Variants in CAPN11 observed in about 807,000 individuals in gnomAD.
CAPN11 encodes the protein calpain-11.
A neutral mutation model predicts 105.3 loss-of-function variants in CAPN11; 108 were observed. The ratio of observed to expected loss-of-function variants is 1.03; its 90% CI spans 0.88 to 1.20. The LOEUF (loss-of-function observed/expected upper bound fraction) is 1.20, where lower values mean the gene tolerates loss of function less well. CAPN11 is among the 50% of genes most tolerant of loss of function. The probability of loss-of-function intolerance (pLI) is 0.00; values close to 1 mark genes in which losing one functional copy is unlikely to be tolerated. For missense variants in CAPN11, 883 were observed against 924.8 expected, an observed-to-expected ratio of 0.95 and a Z score of 0.59; for synonymous variants, 329 against 344.5, an observed-to-expected ratio of 0.96 and a Z score of 0.50.
intron 7 of CAPN11, among the ~76,000 whole-genome samples, chr6:44,174,341 A>G (rs1241741889): frequency 3.3e-5 from 5 of 152,144 alleles, no homozygotes; most frequent in African/African-American, 1.2e-4. Flanking sequence ...ATTGATACTC[A>G]GAGAAACTAG....
At chr6:44,168,984 A>G (rs1226613055) in intron 2 of CAPN11, 1 of 478,246 alleles carries the variant, frequency 2.1e-6, no homozygotes, top group South Asian at 1.5e-5. Flanking sequence ...GTGCCATCAC[A>G]TCTCATTGCA....
chr6:44,166,661 C>T (rs1476021238), intron 1 of CAPN11, 97 bp from the exon 2 acceptor site: 2 of 912,878 alleles, frequency 2.2e-6, no homozygotes, highest in African/African-American at 3.3e-5. Context: ...AGTTCTTTTC[C>T]TCATTCTAAA....
intron 13 of CAPN11, 88 bp from the exon 14 acceptor site, chr6:44,179,864 C>G (rs1772831180): frequency 9.0e-7 from 1 of 1,116,290 alleles, no homozygotes; most frequent in Non-Finnish European, 1.4e-6. Context: ...CTACCTCCAA[C>G]CCTGCCCGGC....
Position 44,183,731 on chromosome 6 carries a change from A to C in CAPN11, c.2161A>C (p.Asn721His). The change falls in exon 22 of 23, where the codon AAT becomes CAT. Residue 721 changes from asparagine (N) to histidine (H), a missense_variant. Coordinates refer to ENST00000398776, the MANE Select transcript of CAPN11 (RefSeq NM_007058.4). ...FTFFLTMDPK[N>H]TGHICLSLEQ... ...ATTCTTTCTAACCATGGACCCCAAG[A>C]ATACTGGCCATATTTGCTTGAGCCT... is the stretch of plus-strand genomic sequence containing the variant. 1 of 1,613,866 alleles carries C rather than the reference A, an allele frequency of 6.2e-7. No homozygotes were observed. Among genetic ancestry groups the C allele is most frequent in the Non-Finnish European group, 8.5e-7 (1 of 1,179,852 alleles).
chr6:44,168,791 T>C (rs1484268220), intron 2 of CAPN11, among the ~76,000 whole-genome samples: 2 of 151,886 alleles, frequency 1.3e-5, no homozygotes, highest in East Asian at 1.9e-4. Flanking sequence ...GGCTAATTTT[T>C]TGTATTTTTC....
chr6:44,168,083 A>G (rs992011937), intron 2 of CAPN11, among the ~76,000 whole-genome samples: 19 of 152,128 alleles, frequency 1.2e-4, no homozygotes, highest in African/African-American at 4.3e-4. Flanking sequence ...TAGTATATTC[A>G]CAGTTATGCA....
At position 44,172,398 on chromosome 6, in the gene CAPN11, A is replaced by T. The variant is rs1049491864; in HGVS notation, c.506A>T (p.Tyr169Phe). ...AGAGGACAGAGCTTCAAGAAAAACT[A>T]TGCTGGCATCTTCCATTTTCAGGTG... is the stretch of plus-strand genomic sequence containing the variant. ...VPRGQSFKKN[Y>F]AGIFHFQIWQ... Residue 169 changes from tyrosine (Y) to phenylalanine (F), a missense_variant, in exon 5 of 23, where the codon TAT becomes TTT. By Grantham distance (22) the Tyr-to-Phe change is conservative. Coordinates refer to ENST00000398776, the MANE Select transcript of CAPN11 (RefSeq NM_007058.4). 1.9e-6 allele frequency: 3 copies of T among 1,556,686 alleles called. No homozygotes were observed. Among genetic ancestry groups the T allele is most frequent in the Middle Eastern group, 1.7e-4 (1 of 5,996 alleles).
At position 44,182,985 on chromosome 6, in the gene CAPN11, C is replaced by T. The variant is rs1774043977; in HGVS notation, c.1983C>T (p.Asn661=). Residue 661 remains asparagine (N), a synonymous_variant, in exon 20 of 23, where the codon AAC becomes AAT. Coordinates refer to ENST00000398776, the MANE Select transcript of CAPN11 (RefSeq NM_007058.4). The part of the protein sequence containing the change: ...ECDQDHSGTL[N]SYEMRLVIEK... ...ACCAGGACCATTCAGGCACCTTGAA[C>T]TCCTATGAGATGCGCCTGGTTATTG... The T allele has an allele frequency of 2.5e-6, 4 of 1,612,048 alleles. No individual in the cohort carries two copies. Among genetic ancestry groups the T allele is most frequent in the Non-Finnish European group, 3.4e-6 (4 of 1,178,992 alleles).
At chr6:44,183,612 C>T in intron 21 of CAPN11, 93 bp from the exon 22 acceptor site, 3 of 1,156,736 alleles carry the variant, frequency 2.6e-6, no homozygotes, top group Non-Finnish European at 3.8e-6. Flanking sequence ...CCAGGAACAC[C>T]TGGTGTCGCC....
chr6:44,180,724 G>T, intron 16 of CAPN11, 24 bp from the exon 17 acceptor site: 1 of 1,613,534 alleles, frequency 6.2e-7, no homozygotes, highest in East Asian at 2.2e-5. Context: ...GGGCCCGAGT[G>T]GGGTTCACAG....
In CAPN11 at chr6:44,166,771, G is replaced by A. The variant is rs930746410; in HGVS notation, c.30G>A (p.Pro10=). The change falls in exon 2 of 23, where the codon CCG becomes CCA. Residue 10 remains proline, a synonymous_variant. Transcript: ENST00000398776. The stretch of plus-strand genomic sequence containing the variant: ...TTCTTATTCTAGGGCCGAGTCTTCC[G>A]GAGTCAGCAGAGAGCCTGGATGGAT... MLYSPGPSL[P]ESAESLDGSQ... is the part of the protein sequence containing the mutation. 3.9e-5 allele frequency: 60 copies of A among 1,551,846 alleles called. No individual in the cohort carries two copies. The highest frequency in any genetic ancestry group is 5.0e-5 in the Non-Finnish European group (57 of 1,146,896).
At position 44,166,822 on chromosome 6, in the gene CAPN11, A is replaced by C. The variant is rs1769944894; in HGVS notation, c.81A>C (p.Ser27=). The C allele has an allele frequency of 1.3e-6, 2 of 1,550,272 alleles. No homozygotes were observed. Among genetic ancestry groups the C allele is most frequent in the Non-Finnish European group, 1.7e-6 (2 of 1,145,728 alleles). The change falls in exon 2 of 23, where the codon TCA becomes TCC. Residue 27 remains serine, a synonymous_variant. Coordinates refer to ENST00000398776, the MANE Select transcript of CAPN11 (RefSeq NM_007058.4). ...DGSQEDKPRG[S]CAEPTFTDTG... ...CACAGGAGGATAAGCCTCGGGGCTCATGTGCGGGTAGGACTGCAGACCCGT... is the reference window on the plus strand; with the variant it reads ...CACAGGAGGATAAGCCTCGGGGCTCCTGTGCGGGTAGGACTGCAGACCCGT...
chr6:44,181,147 AC>A (rs1377101818), intron 18 of CAPN11, 104 bp from the exon 19 acceptor site: 11 of 1,222,398 alleles, frequency 9.0e-6, no homozygotes, highest in Non-Finnish European at 1.3e-5. Context: ...CTGCTACAGT[AC>A]CGGAACCCCA....
At chr6:44,177,875 T>A (rs1472401333) in intron 12 of CAPN11, among the ~76,000 whole-genome samples, 3 of 151,768 alleles carry the variant, frequency 2.0e-5, no homozygotes, top group African/African-American at 7.3e-5. Context: ...ATTTTTTTTT[T>A]AAGACAGGAG....
At chr6:44,181,482 CA>C (rs879564367) in intron 19 of CAPN11, among the ~76,000 whole-genome samples, 162 bp downstream of exon 19, 9,889 of 94,826 alleles carry the variant, frequency 0.1, 2,910 homozygotes, top group Middle Eastern at 0.16. Context: ...CATACAGACA[CA>C]ACCACACCAC....
chr6:44,182,269 T>G (rs202202645), intron 19 of CAPN11, among the ~76,000 whole-genome samples: 1 of 19,784 alleles, frequency 5.1e-5, no homozygotes, highest in Admixed American at 5.8e-4. Flanking sequence ...CACACACACA[T>G]ACAGACACAA....
chr6:44,161,302 C>G (rs902424253), intron 1 of CAPN11, among the ~76,000 whole-genome samples: 1 of 151,976 alleles, frequency 6.6e-6, no homozygotes. Flanking sequence ...CGGGTTCAAG[C>G]GATTCTCCTG....
At chr6:44,165,232 G>A (rs1325251448) in intron 1 of CAPN11, among the ~76,000 whole-genome samples, 1 of 152,214 alleles carries the variant, frequency 6.6e-6, no homozygotes, top group Non-Finnish European at 1.5e-5. Context: ...TGGAGAACTA[G>A]TGGGGGAGGA....
In CAPN11 at chr6:44,177,364, C is replaced by A; in HGVS notation, c.1360C>A (p.Arg454=). The change falls in exon 12 of 23, where the codon CGG becomes AGG. Residue 454 remains arginine (R), a synonymous_variant. Coordinates refer to ENST00000398776, the MANE Select transcript of CAPN11 (RefSeq NM_007058.4). ...GGTGGCCCTAATGCAGAAGAACTGG[C>A]GGCATGCACGGCAGCAGGGAGCCCA... is the stretch of plus-strand genomic sequence containing the variant. The part of the protein sequence containing the change: ...CLVALMQKNW[R]HARQQGAQLQ... 5 of 1,613,872 alleles carry A rather than the reference C, an allele frequency of 3.1e-6. No homozygotes were observed. The highest frequency in any genetic ancestry group is 4.2e-6 in the Non-Finnish European group (5 of 1,179,854).
Sources: gnomAD v4.1 joint callset for allele counts (sites outside exome capture counted in the v4.1 genomes callset) on GRCh38, gnomAD v4.1.1 for gene constraint, MANE v1.5 for transcripts, NCBI Gene and HGNC (gene_info 2026-07-23, HGNC 2026-07-21) for gene names.